Variants in VSTM4 observed in about 807,000 individuals in gnomAD.
VSTM4 encodes the protein V-set and transmembrane domain containing 4, also known as V-set and transmembrane domain-containing protein 4.
Under a neutral mutation model 36.4 loss-of-function variants are expected in VSTM4, and 20 were observed. The ratio of observed to expected loss-of-function variants is 0.55; its 90% CI spans 0.39 to 0.80. The LOEUF is 0.80. Among genes scored for constraint, VSTM4 ranks in the 30% least tolerant of loss-of-function variants. The probability of loss-of-function intolerance (pLI) is 0.00; values close to 1 mark genes in which losing one functional copy is unlikely to be tolerated. For missense variants in VSTM4, 392 were observed against 404.5 expected (o/e 0.97, Z 0.26); for synonymous variants, 182 against 173.9 (o/e 1.05, Z -0.37).
chr10:49,064,558 G>A lies in VSTM4; in HGVS notation c.668+145C>T. 1.1e-5 allele frequency: 10 copies of A among 904,228 alleles called. No homozygotes were observed. The South Asian group carries it at 1.4e-4, about 13-fold the overall frequency. The allele number at this position is 904,228 out of a possible 1,614,324, so 56.0% of individuals were successfully genotyped here. ...AGACCTTGGAAACATGCAAATGCATGCAGGATACACATTTGCAGGCATATT... is the reference window on the plus strand; with the variant it reads ...AGACCTTGGAAACATGCAAATGCATACAGGATACACATTTGCAGGCATATT... On this transcript the variant is annotated intron_variant, in intron 5 of 7. Coordinates refer to ENST00000332853, the MANE Select transcript of VSTM4 (RefSeq NM_001031746.5).
At position 49,109,793 on chromosome 10, in the gene VSTM4, C is replaced by G. The variant is rs560914714; in HGVS notation, c.56-1798G>C. On this transcript the variant is annotated intron_variant, in intron 1 of 7. Transcript: ENST00000332853. Reference sequence around the variant, plus strand: ...CTAATGTGTAGCCAAAGGAGGGACCCACTCTGGTAGCAATCCCGCTGTCAT... The same window carrying G: ...CTAATGTGTAGCCAAAGGAGGGACCGACTCTGGTAGCAATCCCGCTGTCAT... Among the ~76,000 whole-genome samples, 5 of 152,318 alleles carry G rather than the reference C, an allele frequency of 3.3e-5. No individual in the cohort carries two copies. The East Asian group carries it at 9.7e-4, about 29-fold the overall frequency.
chr10:49,022,256 T>C (rs1489773180), intron 7 of VSTM4, among the ~76,000 whole-genome samples: 1 of 152,110 alleles, frequency 6.6e-6, no homozygotes, highest in Non-Finnish European at 1.5e-5. Context: ...AGACTTAGGG[T>C]TTTTTGGTTT....
At chr10:49,113,548 A>T (rs1379527295) in intron 1 of VSTM4, among the ~76,000 whole-genome samples, 1 of 152,210 alleles carries the variant, frequency 6.6e-6, no homozygotes, top group Non-Finnish European at 1.5e-5. Context: ...TCACATAGTA[A>T]GTGGCAGAGC....
At chr10:49,060,878 A>G (rs139121582) in intron 5 of VSTM4, among the ~76,000 whole-genome samples, 5,601 of 152,288 alleles carry the variant, frequency 0.037, 222 homozygotes, top group Non-Finnish European at 0.044. Context: ...ATGTTTCTGT[A>G]TATGGATACC....
intron 2 of VSTM4, among the ~76,000 whole-genome samples, chr10:49,092,454 C>T (rs1012841877): frequency 5.9e-5 from 9 of 152,130 alleles, no homozygotes; most frequent in African/African-American, 2.2e-4. Context: ...CAAAACTAAA[C>T]CAATGCCTCT....
chr10:49,108,182 C>T (rs112834440), intron 1 of VSTM4, among the ~76,000 whole-genome samples, 187 bp from the exon 2 acceptor site: 30 of 152,246 alleles, frequency 2.0e-4, no homozygotes, highest in African/African-American at 7.2e-4. Context: ...CTCTGTGGGC[C>T]CCCACTGTCT....
intron 7 of VSTM4, 54 bp downstream of exon 7, chr10:49,046,929 T>C (rs768167955): frequency 2.6e-6 from 4 of 1,554,408 alleles, no homozygotes; most frequent in Non-Finnish European, 3.6e-6. Context: ...TTTTGGAATC[T>C]GAGTTGTGTC....
chr10:49,031,279 A>G (rs911418831), intron 7 of VSTM4, among the ~76,000 whole-genome samples: 1 of 152,200 alleles, frequency 6.6e-6, no homozygotes, highest in South Asian at 2.1e-4. Context: ...GTGACCTCGG[A>G]CGAGGTACTT....
chr10:49,074,202 G>A (rs1590108292), intron 4 of VSTM4, among the ~76,000 whole-genome samples: 1 of 152,342 alleles, frequency 6.6e-6, no homozygotes, highest in East Asian at 1.9e-4. Context: ...TTGTCTCAGT[G>A]TGCTATAAAT....
intron 5 of VSTM4, among the ~76,000 whole-genome samples, chr10:49,056,516 G>C (rs1259384022): frequency 6.6e-6 from 1 of 152,236 alleles, no homozygotes; most frequent in Non-Finnish European, 1.5e-5. Context: ...TGCTGGTTAG[G>C]AAGAGAGATG....
intron 7 of VSTM4, among the ~76,000 whole-genome samples, chr10:49,035,875 C>A (rs894944770): frequency 1.3e-5 from 2 of 152,036 alleles, no homozygotes; most frequent in African/African-American, 4.8e-5. Context: ...TTGAAAGTAA[C>A]TGTGTCACTT....
chr10:49,055,903 A>G (rs1239025062), intron 5 of VSTM4, among the ~76,000 whole-genome samples: 1 of 152,262 alleles, frequency 6.6e-6, no homozygotes, highest in Non-Finnish European at 1.5e-5. Flanking sequence ...ATTACCACAG[A>G]AAATGCTCTC....
chr10:49,045,980 G>A lies in VSTM4; in HGVS notation c.837+1003C>T, dbSNP rs1038804414. On this transcript the variant is annotated intron_variant, in intron 7 of 7. Transcript: ENST00000332853. The stretch of plus-strand genomic sequence containing the variant: ...CCTCCCCGCTGTTCTCATGACAAGC[G>A]AGTGAGTTCTCATGAAATCTGATGG... 3.3e-5 allele frequency among the ~76,000 whole-genome samples: 5 copies of A among 152,122 alleles called. No homozygotes were observed. The South Asian group carries it at 6.2e-4, about 19-fold the overall frequency.
At chr10:49,038,635 A>G (rs1564569475) in intron 7 of VSTM4, among the ~76,000 whole-genome samples, 5 of 152,158 alleles carry the variant, frequency 3.3e-5, no homozygotes, top group Admixed American at 1.3e-4. Flanking sequence ...TCTGGATGGG[A>G]ATGCCATGGG....
At chr10:49,033,596 C>T (rs1341709109) in intron 7 of VSTM4, among the ~76,000 whole-genome samples, 1 of 152,166 alleles carries the variant, frequency 6.6e-6, no homozygotes, top group Non-Finnish European at 1.5e-5. Context: ...CCTGAAAACC[C>T]AAAGACTCAG....
In VSTM4 at chr10:49,064,716, A is replaced by G. The variant is rs768951755; in HGVS notation, c.655T>C (p.Cys219Arg). The change falls in exon 5 of 8, where the codon TGC becomes CGC. Residue 219 changes from cysteine to arginine, a missense_variant. By Grantham distance (180) the Cys-to-Arg change is radical. Coordinates refer to ENST00000332853, the MANE Select transcript of VSTM4 (RefSeq NM_001031746.5). ...AAATATTCTTACCTGTTCTGAGGGC[A>G]TTTCACCAAATAATGTCTCACTGTG... is the stretch of plus-strand genomic sequence containing the variant. ...KSRVRHYLVK[C>R]PQNSSGETVT... 7.4e-6 allele frequency: 12 copies of G among 1,613,026 alleles called. No homozygotes were observed. The highest frequency in any genetic ancestry group is 1.6e-4 in the Middle Eastern group (1 of 6,084).
chr10:49,107,022 C>T (rs1844794972), intron 2 of VSTM4, among the ~76,000 whole-genome samples: 1 of 152,244 alleles, frequency 6.6e-6, no homozygotes, highest in African/African-American at 2.4e-5. Flanking sequence ...AAACTTCAAA[C>T]TTCGATAAGC....
At chr10:49,097,353 C>T (rs571278099) in intron 2 of VSTM4, among the ~76,000 whole-genome samples, 9 of 152,306 alleles carry the variant, frequency 5.9e-5, no homozygotes, top group Non-Finnish European at 8.8e-5. Flanking sequence ...CCAGATCCGT[C>T]CCCTAGGGAG....
intron 4 of VSTM4, among the ~76,000 whole-genome samples, chr10:49,068,607 T>A (rs1844016938): frequency 6.6e-6 from 1 of 152,148 alleles, no homozygotes; most frequent in South Asian, 2.1e-4. Context: ...ACCTGAGAAA[T>A]AGACTTCACT....
Sources: gnomAD v4.1 joint callset for allele counts (sites outside exome capture counted in the v4.1 genomes callset) on GRCh38, gnomAD v4.1.1 for gene constraint, MANE v1.5 for transcripts, NCBI Gene and HGNC (gene_info 2026-07-23, HGNC 2026-07-21) for gene names.